The following PLXNA3 variants were observed in gnomAD, a reference collection of about 807,000 sequenced individuals.
The protein encoded by PLXNA3 is plexin-A3.
A neutral mutation model predicts 118.8 loss-of-function variants in PLXNA3; 52 were observed. That is an observed-to-expected ratio of 0.44 (90% CI 0.35 to 0.55). The LOEUF is 0.55. Ranked by LOEUF, PLXNA3 falls within the 20% of genes least tolerant of loss-of-function variation. The pLI is 0.01. For missense variants in PLXNA3, 1,660 were observed against 1,730.8 expected (o/e 0.96, Z 0.73); for synonymous variants, 925 against 762.4 (o/e 1.21, Z -3.51).
rs951166809 is a variant in PLXNA3 at position 154,472,904 on chromosome X, C to A, written c.*219C>A. The A allele has an allele frequency of 7.0e-5, 27 of 387,503 alleles. No homozygotes were observed. The highest frequency in any genetic ancestry group is 4.8e-4 in the African/African-American group (19 of 39,371). 31.9% of individuals were successfully genotyped at this position (387,503 alleles called of 1,213,427 possible). A position where few individuals can be genotyped will look rare whatever the true frequency, so the allele number is the denominator to read the frequency against. Reference sequence around the variant, plus strand: ...GGGGTGACAGGGCGAGCCCCCACCCCAGCAGCAGCAATACCCCCACCCTCC... The same window carrying A: ...GGGGTGACAGGGCGAGCCCCCACCCAAGCAGCAGCAATACCCCCACCCTCC... On this transcript the variant is annotated 3_prime_UTR_variant, in exon 33 of 33. Coordinates refer to ENST00000369682, the MANE Select transcript of PLXNA3 (RefSeq NM_017514.5).
At position 154,477,436 on chromosome X, in the gene PLXNA3, C is replaced by G. The variant is rs1164539124; in HGVS notation, c.*4751C>G. ...CAGACACTAGTCAATTGCCCCAGCACTTTCTTCACTGATCGTTAGAGGAAA... is the reference window on the plus strand; with the variant it reads ...CAGACACTAGTCAATTGCCCCAGCAGTTTCTTCACTGATCGTTAGAGGAAA... On this transcript the variant is annotated 3_prime_UTR_variant, in exon 33 of 33. Coordinates refer to ENST00000369682, the MANE Select transcript of PLXNA3 (RefSeq NM_017514.5). 8.8e-6 allele frequency: 1 copy of G among 113,813 alleles called. No homozygotes were observed. The highest frequency in any genetic ancestry group is 1.8e-5 in the Non-Finnish European group (1 of 54,233). The allele number at this position is 113,813 out of a possible 1,213,427, so 9.4% of individuals were successfully genotyped here.
chrX:154,464,697 G>A, intron 9 of PLXNA3, 57 bp from the exon 10 acceptor site: 2 of 836,556 alleles, frequency 2.4e-6, no homozygotes, highest in Non-Finnish European at 3.4e-6. Flanking sequence ...TCCTATTGGG[G>A]AGCAGTGAGG....
At position 154,465,442 on chromosome X, in the gene PLXNA3, G is replaced by C. The variant is rs2069064207; in HGVS notation, c.2263G>C (p.Glu755Gln). Residue 755 changes from glutamate to glutamine, a missense_variant, in exon 12 of 33, where the codon GAG becomes CAG. Transcript: ENST00000369682. ...QNASYSYEGD[E>Q]HGDTELDFSV... ...CCTCCAGTACTCCTATGAAGGTGATGAGCATGGTGACACCGAGCTGGACTT... is the reference window on the plus strand; with the variant it reads ...CCTCCAGTACTCCTATGAAGGTGATCAGCATGGTGACACCGAGCTGGACTT... 1.7e-6 allele frequency: 2 copies of C among 1,205,370 alleles called. No individual in the cohort carries two copies. The highest frequency in any genetic ancestry group is 2.2e-6 in the Non-Finnish European group (2 of 889,809).
rs782486339 is a variant in PLXNA3 at position 154,467,578 on chromosome X, T to A, written c.3475T>A (p.Ser1159Thr). The part of the protein sequence containing the change: ...KNLIPAAAGS[S>T]RLNYTVLIGG... The stretch of plus-strand genomic sequence containing the variant: ...CCTGATTCCCGCTGCAGCCGGCAGC[T>A]CCCGCCTCAACTACACTGTGCTGAT... Residue 1159 changes from serine (S) to threonine (T), a missense_variant, in exon 20 of 33, where the codon TCC becomes ACC. Transcript: ENST00000369682. 6 of 1,194,817 alleles carry A rather than the reference T, an allele frequency of 5.0e-6. No individual in the cohort carries two copies. Among genetic ancestry groups the A allele is most frequent in the Non-Finnish European group, 5.6e-6 (5 of 888,243 alleles).
rs782432941 is a variant in PLXNA3, at chrX:154,462,593, G to A, written c.1317+283G>A. 3.0e-4 allele frequency among the ~76,000 whole-genome samples: 34 copies of A among 112,217 alleles called. 1 individual carries two copies. The highest frequency in any genetic ancestry group is 2.4e-4 in the Non-Finnish European group (13 of 53,112). ...ACCTATTGTGGAGTCTCCCTGCCAC[G>A]AGAGCAGGCCTGGGGCTGAGCCAGC... On this transcript the variant is annotated intron_variant, in intron 4 of 32. Transcript: ENST00000369682.
rs782812379 is a variant in PLXNA3, at chrX:154,460,386, C to T, written c.203C>T (p.Thr68Met). 9.1e-5 allele frequency: 110 copies of T among 1,205,651 alleles called. 1 individual carries two copies. The highest frequency in any genetic ancestry group is 2.7e-4 in the South Asian group (15 of 56,300). Residue 68 changes from threonine to methionine, a missense_variant, in exon 2 of 33, where the codon ACG becomes ATG. Physicochemically the swap from Thr to Met is moderately conservative, Grantham distance 81. This residue lies in a region of PLXNA3 where 791 missense variants were observed against 652.1 expected (regional missense o/e 1.21). Coordinates refer to ENST00000369682, the MANE Select transcript of PLXNA3 (RefSeq NM_017514.5). The part of the protein sequence containing the change: ...PNLTELRAHV[T>M]GPVEDNARCY... ...CTGACTGAGCTGCGGGCCCATGTCA[C>T]GGGGCCCGTCGAGGACAACGCTCGC... is the stretch of plus-strand genomic sequence containing the variant.
At chrX:154,471,338 G>A (rs782330007) in intron 31 of PLXNA3, 21 bp downstream of exon 31, 30 of 1,189,435 alleles carry the variant, frequency 2.5e-5, no homozygotes, top group Non-Finnish European at 3.4e-5. Flanking sequence ...CCCTGCTGTG[G>A]GTGGCAGAGG....
rs1557208104 is a variant in PLXNA3 at position 154,468,205 on chromosome X, C to T, written c.3944C>T (p.Pro1315Leu). ...RVLFPGIEAH[P>L]VLKELDTPPN... ...CTCTTCCCGGGCATCGAGGCCCACC[C>T]GGTGCTCAAGGAGCTGGATGTGAGC... Residue 1315 changes from proline (P) to leucine (L), a missense_variant, in exon 22 of 33, where the codon CCG becomes CTG. Physicochemically the swap from Pro to Leu is moderately conservative, Grantham distance 98 (BLOSUM62 -3). Coordinates refer to ENST00000369682, the MANE Select transcript of PLXNA3 (RefSeq NM_017514.5). The T allele has an allele frequency of 4.2e-6, 5 of 1,181,355 alleles. No homozygotes were observed. The highest frequency in any genetic ancestry group is 2.3e-5 in the Admixed American group (1 of 43,970).
intron 1 of PLXNA3, among the ~76,000 whole-genome samples, chrX:154,458,717 C>T (rs1375112643): frequency 8.1e-5 from 9 of 110,618 alleles, no homozygotes; most frequent in Non-Finnish European, 1.7e-4. Context: ...CCTGATGGGG[C>T]CCGGGCAAAC....
Position 154,470,089 on chromosome X carries a change from C to T in PLXNA3, c.4908C>T (p.Asp1636=). 1 of 1,211,432 alleles carries T rather than the reference C, an allele frequency of 8.3e-7. No individual in the cohort carries two copies. The highest frequency in any genetic ancestry group is 1.8e-5 in the South Asian group (1 of 57,033). Reference sequence around the variant, plus strand: ...TGTGGCACCTGGTGAAAAACCACGACCATGCCGACCATCGCGAGGGGGACC... The same window carrying T: ...TGTGGCACCTGGTGAAAAACCACGATCATGCCGACCATCGCGAGGGGGACC... The part of the protein sequence containing the change: ...TKLWHLVKNH[D]HADHREGDRG... Residue 1636 remains aspartate, a synonymous_variant, in exon 29 of 33, where the codon GAC becomes GAT. Transcript: ENST00000369682.
rs1557208284 is a variant in PLXNA3, at chrX:154,468,574, C to G, written c.4220+15C>G. Reference sequence around the variant, plus strand: ...CTGCTACGCAGGTACCTGCCTTGCTCTATCCAGGCCACACCTTTGTCCTGC... The same window carrying G: ...CTGCTACGCAGGTACCTGCCTTGCTGTATCCAGGCCACACCTTTGTCCTGC... On this transcript the variant is annotated intron_variant, in intron 23 of 32. Coordinates refer to ENST00000369682, the MANE Select transcript of PLXNA3 (RefSeq NM_017514.5). 2 of 1,207,776 alleles carry G rather than the reference C, an allele frequency of 1.7e-6. No individual in the cohort carries two copies. Among genetic ancestry groups the G allele is most frequent in the Admixed American group, 2.2e-5 (1 of 45,975 alleles).
Position 154,471,578 on chromosome X carries a change from C to G in PLXNA3, c.5460C>G (p.Asp1820Glu). Residue 1820 changes from aspartate to glutamate, a missense_variant, in exon 32 of 33, where the codon GAC becomes GAG. By Grantham distance (45) the Asp-to-Glu change is conservative (BLOSUM62 2). This residue lies in a region of PLXNA3 where 869 missense variants were observed against 1,078.7 expected (regional missense o/e 0.81). Transcript: ENST00000369682. ...AGCAGTCCCGCCTCCACGCCAGCGA[C>G]TTCAGCGTCCTGAGTGCGCTCAACG... The part of the protein sequence containing the change: ...LVEQSRLHAS[D>E]FSVLSALNEL... 1 of 1,210,887 alleles carries G rather than the reference C, an allele frequency of 8.3e-7. No homozygotes were observed. The highest frequency in any genetic ancestry group is 1.1e-6 in the Non-Finnish European group (1 of 894,638).
Position 154,467,475 on chromosome X carries a change from C to A in PLXNA3, c.3441+4C>A. ...GGGCTCCCACGTGGTGCTGAAGGTG[C>A]GGGCGGGGTGGGGGCGGGGAGGGGC... On this transcript the variant is annotated splice_donor_region_variant and intron_variant, in intron 19 of 32. Transcript: ENST00000369682. 1 of 389,857 alleles carries A rather than the reference C, an allele frequency of 2.6e-6. No homozygotes were observed. Among genetic ancestry groups the A allele is most frequent in the Non-Finnish European group, 4.0e-6 (1 of 249,616 alleles). 32.1% of individuals were successfully genotyped at this position (389,857 alleles called of 1,213,427 possible). A position where few individuals can be genotyped will look rare whatever the true frequency, so the allele number is the denominator to read the frequency against.
intron 11 of PLXNA3, 85 bp downstream of exon 11, chrX:154,465,303 G>A: frequency 9.4e-7 from 1 of 1,063,869 alleles, no homozygotes; most frequent in Non-Finnish European, 1.3e-6. Context: ...CTCTCTGGCA[G>A]GGAACTGTCT....
rs1557206248 is a variant in PLXNA3, at chrX:154,464,498, A to G, written c.1925A>G (p.Gln642Arg). 2 of 1,197,586 alleles carry G rather than the reference A, an allele frequency of 1.7e-6. No individual in the cohort carries two copies. Among genetic ancestry groups the G allele is most frequent in the Non-Finnish European group, 2.3e-6 (2 of 882,877 alleles). The change falls in exon 9 of 33, where the codon CAG becomes CGG. Residue 642 changes from glutamine to arginine, a missense_variant. Gln to Arg is a conservative substitution (Grantham distance 43). Around this residue, in one of 2 missense-constraint regions of PLXNA3, gnomAD observed 791 missense variants for 652.1 expected, o/e 1.21. Transcript: ENST00000369682. ...GTCTTCTACAACTGCAGCGTCCTCC[A>G]GTCGTGAGTACCTGGCCAGCACCCG... ...DFVFYNCSVL[Q>R]SCMSCVGSPY...
intron 1 of PLXNA3, among the ~76,000 whole-genome samples, 173 bp from the exon 2 acceptor site, chrX:154,459,984 C>T (rs782222453): frequency 5.3e-5 from 6 of 112,754 alleles, no homozygotes; most frequent in Non-Finnish European, 9.4e-5. Context: ...GGCTGAGGGA[C>T]GATTGATGGC....
rs12842954 is a variant in PLXNA3 at position 154,474,806 on chromosome X, T to G, written c.*2121T>G. 5 of 38,459 alleles carry G rather than the reference T, an allele frequency of 1.3e-4. No individual in the cohort carries two copies. The highest frequency in any genetic ancestry group is 2.6e-4 in the African/African-American group (4 of 15,379). 3.2% of individuals were successfully genotyped at this position (38,459 alleles called of 1,213,427 possible). A position where few individuals can be genotyped will look rare whatever the true frequency, so the allele number is the denominator to read the frequency against. On this transcript the variant is annotated 3_prime_UTR_variant, in exon 33 of 33. Coordinates refer to ENST00000369682, the MANE Select transcript of PLXNA3 (RefSeq NM_017514.5). ...TTTTTTTTTTTTTTTTTTTTTTTTTTGGAGACGGGATCTTGCCCTGTTGCC... is the reference window on the plus strand; with the variant it reads ...TTTTTTTTTTTTTTTTTTTTTTTTTGGGAGACGGGATCTTGCCCTGTTGCC...
chrX:154,465,613 T>G, intron 12 of PLXNA3, 44 bp from the exon 13 acceptor site: 1 of 1,185,584 alleles, frequency 8.4e-7, no homozygotes, highest in Non-Finnish European at 1.1e-6. Context: ...TTTCCACTTT[T>G]CTGCCACTGC....
chrX:154,459,785 C>T (rs2068905471), intron 1 of PLXNA3, among the ~76,000 whole-genome samples: 1 of 113,009 alleles, frequency 8.8e-6, no homozygotes, highest in African/African-American at 3.2e-5. Context: ...TTATTCTGTG[C>T]CTGCCTCCCT....
Sources: gnomAD v4.1 joint callset for allele counts (sites outside exome capture counted in the v4.1 genomes callset) on GRCh38, gnomAD v4.1.1 for gene constraint, gnomAD v4.1.1 regional missense constraint, MANE v1.5 for transcripts, NCBI Gene and HGNC (gene_info 2026-07-23, HGNC 2026-07-21) for gene names.